FAT3: variants seen among roughly 807,000 people sequenced by gnomAD.
The protein encoded by FAT3 is FAT atypical cadherin 3, also known as protocadherin Fat 3.
FAT3 carries 95 observed loss-of-function variants against 310.2 expected under a neutral mutation model. The observed-to-expected ratio is 0.31, with a 90% CI of 0.26 to 0.36. FAT3 has a LOEUF of 0.36. FAT3 is among the 10% of genes least tolerant of loss of function. The pLI is 1.00. For synonymous variants in FAT3, 2,314 were observed against 2,192.9 expected, an observed-to-expected ratio of 1.06 and a Z score of -1.54; for missense variants, 5,408 against 5,715.6, an observed-to-expected ratio of 0.95 and a Z score of 1.74.
intron 2 of FAT3, among the ~76,000 whole-genome samples, chr11:92,504,893 G>A (rs1047531952): frequency 6.6e-6 from 1 of 152,094 alleles, no homozygotes; most frequent in African/African-American, 2.4e-5. Flanking sequence ...ATAAGGGTAG[G>A]TTATAAGTAT....
intron 1 of FAT3, among the ~76,000 whole-genome samples, chr11:92,321,559 C>T (rs766588654): frequency 7.9e-5 from 12 of 151,972 alleles, no homozygotes; most frequent in Non-Finnish European, 1.5e-4. Flanking sequence ...ATTTACTGGT[C>T]CTGAAAACAG....
At chr11:92,333,670 A>G (rs879410020) in intron 1 of FAT3, among the ~76,000 whole-genome samples, 2 of 152,142 alleles carry the variant, frequency 1.3e-5, no homozygotes, top group African/African-American at 2.4e-5. Flanking sequence ...TATAAGCTCT[A>G]ATTATGTTCA....
At chr11:92,491,118 A>T (rs1312031881) in intron 2 of FAT3, among the ~76,000 whole-genome samples, 1 of 152,084 alleles carries the variant, frequency 6.6e-6, no homozygotes, top group Non-Finnish European at 1.5e-5. Flanking sequence ...AAATGGGATT[A>T]GGAAGGACCT....
intron 1 of FAT3, among the ~76,000 whole-genome samples, chr11:92,260,088 C>G (rs1865483297): frequency 2.0e-5 from 3 of 152,224 alleles, no homozygotes; most frequent in Admixed American, 2.0e-4. Context: ...TTCTAAGCAC[C>G]CATTTGATAA....
chr11:92,422,500 G>T (rs1219994661), intron 2 of FAT3, among the ~76,000 whole-genome samples: 1 of 152,152 alleles, frequency 6.6e-6, no homozygotes. Context: ...ATCTGTGAAG[G>T]CCCTATGAAG....
intron 13 of FAT3, among the ~76,000 whole-genome samples, chr11:92,823,446 T>C (rs1051360531): frequency 6.6e-6 from 1 of 152,174 alleles, no homozygotes; most frequent in Non-Finnish European, 1.5e-5. Context: ...GCCAGTTTTA[T>C]AGGTGTGCAG....
intron 3 of FAT3, among the ~76,000 whole-genome samples, chr11:92,628,202 C>T (rs1311280598): frequency 6.6e-6 from 1 of 152,128 alleles, no homozygotes; most frequent in Non-Finnish European, 1.5e-5. Flanking sequence ...GCAAATAGTT[C>T]CTGAAATCAT....
intron 1 of FAT3, among the ~76,000 whole-genome samples, chr11:92,341,255 A>G (rs959310475): frequency 6.6e-6 from 1 of 152,196 alleles, no homozygotes; most frequent in Non-Finnish European, 1.5e-5. Flanking sequence ...AGAGGATCCC[A>G]CTGACTCAGG....
intron 3 of FAT3, among the ~76,000 whole-genome samples, chr11:92,562,816 T>A (rs1318772087): frequency 6.6e-6 from 1 of 152,182 alleles, no homozygotes; most frequent in East Asian, 1.9e-4. Context: ...TTTGCCTGGA[T>A]TTTTCTTATA....
At chr11:92,841,748 C>G (rs1332340295) in intron 18 of FAT3, among the ~76,000 whole-genome samples, 1 of 152,198 alleles carries the variant, frequency 6.6e-6, no homozygotes, top group Non-Finnish European at 1.5e-5. Context: ...GCTCCCTCCC[C>G]CAGTCCCTTG....
intron 3 of FAT3, among the ~76,000 whole-genome samples, chr11:92,539,701 T>C (rs978773718): frequency 1.3e-5 from 2 of 152,176 alleles, no homozygotes; most frequent in Non-Finnish European, 2.9e-5. Flanking sequence ...ATCTATTATT[T>C]CCAAAGTCAG....
intron 3 of FAT3, among the ~76,000 whole-genome samples, chr11:92,691,323 C>T (rs1159773303): frequency 6.6e-6 from 1 of 152,128 alleles, no homozygotes; most frequent in African/African-American, 2.4e-5. Flanking sequence ...TGCCAATGCT[C>T]CACATCTTCT....
rs1467027284 is a variant in FAT3 at position 92,800,548 on chromosome 11, G to T, written c.7535G>T (p.Gly2512Val). Reference protein sequence around the residue: ...VAEVRENVAAGTKVIHVRATD... With the variant: ...VAEVRENVAAVTKVIHVRATD... ...GAGGTGAGAGAGAACGTGGCTGCAG[G>T]AACAAAGGTAATTCATGTTCGAGCC... is the stretch of plus-strand genomic sequence containing the variant. Residue 2512 changes from glycine to valine, a missense_variant, in exon 10 of 28, where the codon GGA becomes GTA. Gly to Val is a moderately radical substitution (Grantham distance 109). Transcript: ENST00000525166. The T allele has an allele frequency of 6.2e-7, 1 of 1,613,732 alleles. No homozygotes were observed. Among genetic ancestry groups the T allele is most frequent in the East Asian group, 2.2e-5 (1 of 44,820 alleles).
At chr11:92,272,556 GA>G (rs1336682672) in intron 1 of FAT3, among the ~76,000 whole-genome samples, 2 of 151,964 alleles carry the variant, frequency 1.3e-5, no homozygotes, top group East Asian at 3.9e-4. Context: ...TAGGCCAGTA[GA>G]AAGAAACAAG....
At chr11:92,540,775 G>GTTTTGTTTTT (rs111795906) in intron 3 of FAT3, among the ~76,000 whole-genome samples, 21 of 140,536 alleles carry the variant, frequency 1.5e-4, no homozygotes, top group African/African-American at 5.5e-4. Flanking sequence ...GTTTTGTTTT[G>GTTTTGTTTTT]TTTTTTTTGA....
chr11:92,540,226 A>T (rs1377936301), intron 3 of FAT3, among the ~76,000 whole-genome samples: 1 of 152,124 alleles, frequency 6.6e-6, no homozygotes, highest in Admixed American at 6.6e-5. Flanking sequence ...CCCATAAATA[A>T]GGTATTAGAA....
chr11:92,339,168 T>A (rs1277978155), intron 1 of FAT3, among the ~76,000 whole-genome samples: 1 of 152,156 alleles, frequency 6.6e-6, no homozygotes, highest in Non-Finnish European at 1.5e-5. Flanking sequence ...ATATTAGGCA[T>A]GTAAGTTCTG....
intron 3 of FAT3, among the ~76,000 whole-genome samples, chr11:92,527,589 C>A (rs557675285): frequency 1.3e-5 from 2 of 152,256 alleles, no homozygotes; most frequent in South Asian, 4.1e-4. Flanking sequence ...CATGTTATGC[C>A]TATTTCTAAT....
intron 2 of FAT3, among the ~76,000 whole-genome samples, chr11:92,376,667 A>AT: frequency 6.6e-6 from 1 of 152,306 alleles, no homozygotes; most frequent in South Asian, 2.1e-4. Context: ...AAAGGTCAGA[A>AT]GGGTTACTGC....
Sources: allele counts gnomAD v4.1 joint callset (sites outside exome capture counted in the v4.1 genomes callset), GRCh38; gene constraint gnomAD v4.1.1; transcripts MANE v1.5; gene names NCBI Gene and HGNC (gene_info 2026-07-23, HGNC 2026-07-21).